The following TMEM51 variants were observed in gnomAD, a reference collection of about 807,000 sequenced individuals.
The protein encoded by TMEM51 is chromosome 1 open reading frame 72.
TMEM51 carries 8 observed loss-of-function variants against 13.6 expected under a neutral mutation model. The ratio of observed to expected loss-of-function variants is 0.59; its 90% CI spans 0.35 to 1.07. The LOEUF (loss-of-function observed/expected upper bound fraction) is 1.07. Ranked by LOEUF, TMEM51 falls within the 50% of genes least tolerant of loss-of-function variation. The pLI is 0.02. For missense variants in TMEM51, 279 were observed against 330.7 expected (o/e 0.84, Z 1.21); for synonymous variants, 147 against 144.4 (o/e 1.02, Z -0.13).
chr1:15,215,464 T>TC, intron 3 of TMEM51, 33 bp downstream of exon 3: 1 of 1,544,772 alleles, frequency 6.5e-7, no homozygotes, highest in South Asian at 1.2e-5. Context: ...CCTCCCCGGA[T>TC]CGGGGATGGG....
At chr1:15,192,470 T>TTTTA (rs3078880) in intron 1 of TMEM51, 4 of 250,754 alleles carry the variant, frequency 1.6e-5, no homozygotes, top group Admixed American at 5.6e-5. Context: ...CCTTTTTTTT[T>TTTTA]ATGACAGAAT....
At chr1:15,174,415 T>C (rs1557837851) in intron 1 of TMEM51, among the ~76,000 whole-genome samples, 1 of 152,148 alleles carries the variant, frequency 6.6e-6, no homozygotes, top group Non-Finnish European at 1.5e-5. Flanking sequence ...AGCTATTCTT[T>C]AGTTTTTGTA....
chr1:15,202,241 A>G (rs2100316203), intron 1 of TMEM51, among the ~76,000 whole-genome samples: 1 of 152,218 alleles, frequency 6.6e-6, no homozygotes, highest in Non-Finnish European at 1.5e-5. Context: ...TAATTCACCA[A>G]GCGATTGGTT....
chr1:15,181,723 T>C (rs1309560330), intron 1 of TMEM51, among the ~76,000 whole-genome samples: 1 of 152,250 alleles, frequency 6.6e-6, no homozygotes, highest in Non-Finnish European at 1.5e-5. Context: ...TTTAGTGTTT[T>C]GCCTGTGTTG....
At chr1:15,185,260 C>T (rs1273328041) in intron 1 of TMEM51, among the ~76,000 whole-genome samples, 1 of 151,012 alleles carries the variant, frequency 6.6e-6, no homozygotes, top group Non-Finnish European at 1.5e-5. Flanking sequence ...AAGGTTACTG[C>T]CACATTGCCC....
chr1:15,167,326 C>CAAAAAAAAAAAAAAAA (rs555274126), intron 1 of TMEM51, among the ~76,000 whole-genome samples: 1 of 69,446 alleles, frequency 1.4e-5, no homozygotes, highest in Non-Finnish European at 2.8e-5. Context: ...GACTCCATCT[C>CAAAAAAAAAAAAAAAA]AAAAAAAAAA....
chr1:15,159,101 G>A (rs1045322618), intron 1 of TMEM51, among the ~76,000 whole-genome samples: 16 of 152,210 alleles, frequency 1.1e-4, no homozygotes, highest in African/African-American at 3.6e-4. Context: ...AGAGCTGAGT[G>A]GTGGAGGCAG....
intron 1 of TMEM51, among the ~76,000 whole-genome samples, chr1:15,187,680 G>A (rs1370048672): frequency 6.6e-6 from 1 of 152,186 alleles, no homozygotes; most frequent in Non-Finnish European, 1.5e-5. Flanking sequence ...TCCCACCACG[G>A]TGATTTATGA....
chr1:15,186,523 T>C (rs1461597230), intron 1 of TMEM51, among the ~76,000 whole-genome samples: 1 of 152,196 alleles, frequency 6.6e-6, no homozygotes, highest in Non-Finnish European at 1.5e-5. Flanking sequence ...AAATAGTGAC[T>C]CTGCCGATAG....
intron 1 of TMEM51, among the ~76,000 whole-genome samples, chr1:15,174,923 C>T (rs1050978689): frequency 6.6e-6 from 1 of 152,158 alleles, no homozygotes; most frequent in Admixed American, 6.5e-5. Context: ...ACCCAAAGCC[C>T]TATCTCCTAA....
rs3078880 is a variant in TMEM51 at position 15,192,470 on chromosome 1, T to TTTTTTTTTTTTTTTTTTTTTTTTTTTTA, written c.-266-18020_-266-18019insTTTTTTTTTTTTTTTTTTTTTTTTTTTA. Reference sequence around the variant, plus strand: ...TCTTTCTTTTCTTTTCCTTTTTTTTTATGACAGAATCTTGCTCTGCTGCCC... The same window carrying TTTTTTTTTTTTTTTTTTTTTTTTTTTTA: ...TCTTTCTTTTCTTTTCCTTTTTTTTTTTTTTTTTTTTTTTTTTTTTTTTTTTTAATGACAGAATCTTGCTCTGCTGCCC... On this transcript the variant is annotated intron_variant, in intron 1 of 3. Coordinates refer to ENST00000376008, the MANE Select transcript of TMEM51 (RefSeq NM_001136218.2). 9.2e-5 allele frequency: 23 copies of TTTTTTTTTTTTTTTTTTTTTTTTTTTTA among 250,808 alleles called. 2 individuals carry two copies. The highest frequency in any genetic ancestry group is 3.5e-4 in the South Asian group (9 of 25,858). 15.5% of individuals were successfully genotyped at this position (250,808 alleles called of 1,614,324 possible).
chr1:15,211,797 A>G (rs1047133179), intron 2 of TMEM51, among the ~76,000 whole-genome samples: 2 of 124,662 alleles, frequency 1.6e-5, no homozygotes, highest in African/African-American at 2.8e-5. Context: ...CCCAGAAGCA[A>G]TCATGGTACA....
In TMEM51 at chr1:15,215,249, T is replaced by C. The variant is rs745576848; in HGVS notation, c.162T>C (p.Gly54=). 6 of 1,614,052 alleles carry C rather than the reference T, an allele frequency of 3.7e-6. No individual in the cohort carries two copies. The highest frequency in any genetic ancestry group is 3.3e-5 in the Admixed American group (2 of 60,016). ...AGGGCAGCAACAAGACCGAGGTGGG[T>C]GGCGGCATCCTCAAGAGCAAGACCT... is the stretch of plus-strand genomic sequence containing the variant. ...TAQGSNKTEV[G]GGILKSKTFS... The change falls in exon 3 of 4, where the codon GGT becomes GGC. Residue 54 remains glycine, a synonymous_variant. Coordinates refer to ENST00000376008, the MANE Select transcript of TMEM51 (RefSeq NM_001136218.2).
At chr1:15,201,684 G>T (rs1019994847) in intron 1 of TMEM51, among the ~76,000 whole-genome samples, 3 of 152,184 alleles carry the variant, frequency 2.0e-5, no homozygotes, top group Non-Finnish European at 4.4e-5. Flanking sequence ...GTGGAGATGA[G>T]GGAACGGGGA....
intron 1 of TMEM51, among the ~76,000 whole-genome samples, chr1:15,182,303 T>C (rs576389640): frequency 6.6e-6 from 1 of 152,206 alleles, no homozygotes; most frequent in South Asian, 2.1e-4. Flanking sequence ...ACCTTGAGAA[T>C]GTGTCACTCT....
At chr1:15,168,394 G>A in intron 1 of TMEM51, 1 of 1,206,170 alleles carries the variant, frequency 8.3e-7, no homozygotes, top group Non-Finnish European at 1.1e-6. Flanking sequence ...AAGGACTGTA[G>A]AGGCAATCTT....
At chr1:15,215,813 G>A (rs1644423050) in intron 3 of TMEM51, among the ~76,000 whole-genome samples, 1 of 152,158 alleles carries the variant, frequency 6.6e-6, no homozygotes, top group Admixed American at 6.5e-5. Flanking sequence ...GATCACTTGA[G>A]GTCAGGAGTT....
At chr1:15,163,686 C>T (rs1642876087) in intron 1 of TMEM51, among the ~76,000 whole-genome samples, 1 of 148,832 alleles carries the variant, frequency 6.7e-6, no homozygotes, top group African/African-American at 2.4e-5. Flanking sequence ...TTAATCTGTC[C>T]AGAGATGGTC....
intron 1 of TMEM51, among the ~76,000 whole-genome samples, chr1:15,174,319 T>C (rs1436255353): frequency 6.6e-6 from 1 of 152,190 alleles, no homozygotes; most frequent in Non-Finnish European, 1.5e-5. Context: ...CGTGGCTCAC[T>C]ACAGCCTCCA....
Sources: gnomAD v4.1 joint callset for allele counts (sites outside exome capture counted in the v4.1 genomes callset) on GRCh38, gnomAD v4.1.1 for gene constraint, MANE v1.5 for transcripts, NCBI Gene and HGNC (gene_info 2026-07-23, HGNC 2026-07-21) for gene names.